Variants in TMTC1 observed in about 807,000 individuals in gnomAD.
TMTC1 encodes protein O-mannosyl-transferase TMTC1.
In TMTC1, 73 loss-of-function variants were observed where a neutral mutation model predicts 104.8. That is an observed-to-expected ratio of 0.70 (90% CI 0.58 to 0.85). TMTC1 has a LOEUF of 0.85. Among genes scored for constraint, TMTC1 ranks in the 40% least tolerant of loss-of-function variants. The pLI is 0.00. For synonymous variants in TMTC1, 434 were observed against 428.7 expected (o/e 1.01, Z -0.15); for missense variants, 1,035 against 1,096.1 (o/e 0.94, Z 0.79).
At chr12:29,728,599 GC>G (rs1313484558) in intron 5 of TMTC1, among the ~76,000 whole-genome samples, 2 of 152,096 alleles carry the variant, frequency 1.3e-5, no homozygotes, top group Admixed American at 1.3e-4. Context: ...CAGATGAGCA[GC>G]ATTTGGTAGA....
At chr12:29,609,788 C>A (rs546462334) in intron 6 of TMTC1, 1 of 152,444 alleles carries the variant, frequency 6.6e-6, no homozygotes, top group Admixed American at 6.5e-5. Flanking sequence ...ACAAATGTGC[C>A]TTTGTCTCAC....
chr12:29,585,418 T>C (rs1434333789), intron 7 of TMTC1, among the ~76,000 whole-genome samples: 1 of 152,234 alleles, frequency 6.6e-6, no homozygotes, highest in Non-Finnish European at 1.5e-5. Flanking sequence ...GTAGTTTCTT[T>C]TGCTGTGCAG....
At chr12:29,779,575 A>C (rs920928569) in intron 1 of TMTC1, among the ~76,000 whole-genome samples, 5 of 152,262 alleles carry the variant, frequency 3.3e-5, no homozygotes, top group Non-Finnish European at 7.3e-5. Context: ...CCACCTTTAT[A>C]GCAAAAAGTA....
chr12:29,539,706 T>TC (rs1944743284), intron 10 of TMTC1, among the ~76,000 whole-genome samples: 1 of 152,256 alleles, frequency 6.6e-6, no homozygotes, highest in Non-Finnish European at 1.5e-5. Flanking sequence ...ACTTTAGTGC[T>TC]CTGAGGCTTG....
intron 10 of TMTC1, among the ~76,000 whole-genome samples, chr12:29,553,548 C>T (rs913423251): frequency 2.6e-5 from 4 of 151,962 alleles, no homozygotes; most frequent in African/African-American, 7.3e-5. Context: ...TTCCTATTCA[C>T]TGTAAAGACT....
chr12:29,542,319 A>G (rs774375778), intron 10 of TMTC1, among the ~76,000 whole-genome samples: 15 of 152,124 alleles, frequency 9.9e-5, no homozygotes, highest in African/African-American at 1.2e-4. Flanking sequence ...AGAGGGTTCA[A>G]CCGGCACTGA....
intron 5 of TMTC1, among the ~76,000 whole-genome samples, chr12:29,742,267 T>C (rs1565807371): frequency 1.3e-5 from 2 of 152,170 alleles, no homozygotes; most frequent in Non-Finnish European, 2.9e-5. Context: ...GATTGTATTA[T>C]TTATTTATTT....
chr12:29,544,636 G>GGCGGGCTGGGATA (rs1592206908), intron 10 of TMTC1, among the ~76,000 whole-genome samples: 1 of 152,210 alleles, frequency 6.6e-6, no homozygotes, highest in East Asian at 1.9e-4. Flanking sequence ...CTGCGCATGG[G>GGCGGGCTGGGATA]GGCGGGCTGG....
chr12:29,606,869 T>C (rs974181045), intron 6 of TMTC1, among the ~76,000 whole-genome samples: 2 of 152,112 alleles, frequency 1.3e-5, no homozygotes, highest in African/African-American at 2.4e-5. Flanking sequence ...TCACTTTCTT[T>C]TTTTTTTGAG....
At chr12:29,682,335 A>G (rs1040112795) in intron 5 of TMTC1, among the ~76,000 whole-genome samples, 1 of 152,216 alleles carries the variant, frequency 6.6e-6, no homozygotes, top group Admixed American at 6.5e-5. Context: ...AGCGTCTTAA[A>G]AAGCTCAACA....
At chr12:29,559,323 T>C (rs1945321564) in intron 9 of TMTC1, among the ~76,000 whole-genome samples, 1 of 152,170 alleles carries the variant, frequency 6.6e-6, no homozygotes, top group South Asian at 2.1e-4. Context: ...CAGCCGGTCA[T>C]CTCCGGCAAG....
intron 5 of TMTC1, among the ~76,000 whole-genome samples, chr12:29,729,866 G>A (rs766596336): frequency 9.2e-5 from 14 of 152,164 alleles, no homozygotes; most frequent in Middle Eastern, 3.2e-3. Flanking sequence ...TGCACTCTTG[G>A]AATTCATCTT....
chr12:29,704,879 G>A (rs1053463904), intron 5 of TMTC1, among the ~76,000 whole-genome samples: 3 of 152,200 alleles, frequency 2.0e-5, no homozygotes, highest in Non-Finnish European at 4.4e-5. Context: ...CTCACTTTTA[G>A]AGACATCTTT....
chr12:29,705,943 A>G (rs1377269817), intron 5 of TMTC1, among the ~76,000 whole-genome samples: 23 of 148,548 alleles, frequency 1.5e-4, no homozygotes, highest in Admixed American at 1.4e-3. Flanking sequence ...CGGGCTGAAG[A>G]AAAAAAAAAG....
intron 16 of TMTC1, among the ~76,000 whole-genome samples, chr12:29,513,962 G>GT (rs1245275483): frequency 6.6e-6 from 1 of 152,070 alleles, no homozygotes; most frequent in Non-Finnish European, 1.5e-5. Context: ...TCAAACGACT[G>GT]GTACCTTCAT....
chr12:29,586,608 C>T (rs1460353127), intron 7 of TMTC1, among the ~76,000 whole-genome samples: 4 of 151,950 alleles, frequency 2.6e-5, no homozygotes, highest in East Asian at 3.9e-4. Context: ...AGATACATCC[C>T]ATCAATACCT....
At chr12:29,508,443 T>C (rs2216858) in intron 17 of TMTC1, among the ~76,000 whole-genome samples, 29,299 of 152,160 alleles carry the variant, frequency 0.19, 3,602 homozygotes, top group African/African-American at 0.35. Flanking sequence ...GCTTTTGAAA[T>C]GATTCTTCCA....
At chr12:29,514,761 G>A (rs893006338) in intron 15 of TMTC1, among the ~76,000 whole-genome samples, 157 bp from the exon 16 acceptor site, 1 of 152,210 alleles carries the variant, frequency 6.6e-6, no homozygotes, top group Non-Finnish European at 1.5e-5. Flanking sequence ...GCTAATGGCT[G>A]TAATCCTAGT....
chr12:29,759,662 C>T (rs1174384117), intron 2 of TMTC1, among the ~76,000 whole-genome samples: 1 of 152,146 alleles, frequency 6.6e-6, no homozygotes, highest in Non-Finnish European at 1.5e-5. Flanking sequence ...TAACCACAAA[C>T]CATTTCCCCA....
Sources: gnomAD v4.1 joint callset for allele counts (sites outside exome capture counted in the v4.1 genomes callset) on GRCh38, gnomAD v4.1.1 for gene constraint, MANE v1.5 for transcripts, NCBI Gene and HGNC (gene_info 2026-07-23, HGNC 2026-07-21) for gene names.